The following MAST3 variants were observed in gnomAD, a reference collection of about 807,000 sequenced individuals.
The protein encoded by MAST3 is microtubule associated serine/threonine kinase 3.
A neutral mutation model predicts 127.0 loss-of-function variants in MAST3; 43 were observed. The observed-to-expected ratio is 0.34, with a 90% confidence interval of 0.27 to 0.44. MAST3 has a LOEUF of 0.44. Among genes scored for constraint, MAST3 ranks in the 20% least tolerant of loss-of-function variants. The pLI is 1.00. For missense variants in MAST3, 1,390 were observed against 1,919.1 expected, an observed-to-expected ratio of 0.72 and a Z score of 5.15; for synonymous variants, 785 against 809.2, an observed-to-expected ratio of 0.97 and a Z score of 0.51.
chr19:18,138,882 C>G, intron 19 of MAST3, 133 bp from the exon 20 acceptor site: 4 of 653,232 alleles, frequency 6.1e-6, no homozygotes, highest in African/African-American at 3.5e-5. Context: ...TTAAACACAC[C>G]AGGCACTGTC....
In MAST3 at chr19:18,124,730, A is replaced by G. The variant is rs747880607; in HGVS notation, c.1034A>G (p.Gln345Arg). ...CAAGGCATTAAGACTGACCTTCCAC[A>G]GTACATCATTGGGCAGCTGGGCCTG... ...EGQGIKTDLP[Q>R]YIIGQLGLAK... Residue 345 changes from glutamine to arginine, a missense_variant, in exon 11 of 28, where the codon CAG becomes CGG. Gln to Arg is a conservative substitution (Grantham distance 43). This residue lies in a region of MAST3 where 277 missense variants were observed against 384.8 expected (regional missense o/e 0.72). Transcript: ENST00000687212. The G allele has an allele frequency of 6.8e-6, 11 of 1,609,586 alleles. No homozygotes were observed. In the African/African-American group the frequency reaches 1.3e-4, roughly 20 times the overall value.
At chr19:18,126,090 T>C (rs985026477) in intron 11 of MAST3, among the ~76,000 whole-genome samples, 2 of 151,342 alleles carry the variant, frequency 1.3e-5, no homozygotes, top group African/African-American at 2.4e-5. Context: ...GGTGTAGTAG[T>C]GCGCGCCTGT....
In MAST3 at chr19:18,134,717, C is replaced by T. The variant is rs55792013; in HGVS notation, c.1704+6C>T. 23,326 of 1,612,210 alleles carry T rather than the reference C, an allele frequency of 0.014. 227 individuals are homozygous for T. Among genetic ancestry groups the T allele is most frequent in the African/African-American group, 0.039 (2,916 of 74,992 alleles). ...GAGAGTTCATCGACAAGCAGGTGGG[C>T]GGGCAGGTGGGTGGGCAGCCCCGGG... On this transcript the variant is annotated splice_donor_region_variant and intron_variant, in intron 16 of 27. Coordinates refer to ENST00000687212, the MANE Select transcript of MAST3 (RefSeq NM_001393504.1).
chr19:18,104,665 G>C (rs1481444465), intron 1 of MAST3, among the ~76,000 whole-genome samples: 1 of 152,034 alleles, frequency 6.6e-6, no homozygotes, highest in African/African-American at 2.4e-5. Flanking sequence ...TGTGTGGAGG[G>C]AGGGTGTCCT....
At chr19:18,104,682 C>G (rs2037929139) in intron 1 of MAST3, among the ~76,000 whole-genome samples, 1 of 151,984 alleles carries the variant, frequency 6.6e-6, no homozygotes, top group Non-Finnish European at 1.5e-5. Flanking sequence ...TCCTGAGACC[C>G]AGTTTCCTGC....
chr19:18,122,715 C>T lies in MAST3; in HGVS notation c.363C>T (p.Ser121=), dbSNP rs540307927. 1.0e-4 allele frequency: 162 copies of T among 1,613,480 alleles called. 1 individual carries two copies. In the Admixed American group the frequency reaches 2.3e-3, roughly 23 times the overall value. Residue 121 remains serine, a synonymous_variant, in exon 6 of 28, where the codon TCC becomes TCT. Transcript: ENST00000687212. ...RRWSLASLPS[S]GYGTNTPSST... ...GGTCCCTCGCGTCTCTCCCATCTTCCGGCTATGGAACCAACACACCCAGCT... is the reference window on the plus strand; with the variant it reads ...GGTCCCTCGCGTCTCTCCCATCTTCTGGCTATGGAACCAACACACCCAGCT...
At chr19:18,126,507 C>T (rs372372370) in intron 11 of MAST3, among the ~76,000 whole-genome samples, 2 of 152,164 alleles carry the variant, frequency 1.3e-5, no homozygotes, top group Non-Finnish European at 2.9e-5. Context: ...CATGGTAGCT[C>T]ACACTTGTAA....
chr19:18,148,638 C>G (rs1455732583), intron 27 of MAST3, among the ~76,000 whole-genome samples: 1 of 151,654 alleles, frequency 6.6e-6, no homozygotes, highest in African/African-American at 2.4e-5. Flanking sequence ...CATGATGGCT[C>G]ATGCCTGTAA....
At chr19:18,104,114 A>C (rs2051005031) in intron 1 of MAST3, among the ~76,000 whole-genome samples, 1 of 130,354 alleles carries the variant, frequency 7.7e-6, no homozygotes, top group Non-Finnish European at 1.6e-5. Context: ...CTGGAGGCGG[A>C]GGTTGCAGTG....
At position 18,149,281 on chromosome 19, in the gene MAST3, A is replaced by C; in HGVS notation, c.3599A>C (p.His1200Pro). 1 of 1,538,164 alleles carries C rather than the reference A, an allele frequency of 6.5e-7. No individual in the cohort carries two copies. The highest frequency in any genetic ancestry group is 8.7e-7 in the Non-Finnish European group (1 of 1,146,138). Residue 1200 changes from histidine (H) to proline (P), a missense_variant, in exon 28 of 28, where the codon CAC (histidine) becomes CCC (proline). Physicochemically the swap from His to Pro is moderately conservative, Grantham distance 77. Transcript: ENST00000687212. The surrounding 1 kb of genome is among the most constrained non-coding windows in gnomAD (Gnocchi z 5.9). ...GGCCACACCCGCCCCAGCTCCCTGCACGGCCTGGCTGCCAAGCTTGGGCCA... is the reference window on the plus strand; with the variant it reads ...GGCCACACCCGCCCCAGCTCCCTGCCCGGCCTGGCTGCCAAGCTTGGGCCA... ...AAGHTRPSSL[H>P]GLAAKLGPPR...
intron 20 of MAST3, among the ~76,000 whole-genome samples, 160 bp from the exon 21 acceptor site, chr19:18,141,722 C>CT (rs902339562): frequency 2.0e-5 from 3 of 150,802 alleles, no homozygotes; most frequent in Admixed American, 6.6e-5. Context: ...GTTTGGGTTT[C>CT]TTTTTTTTTC....
intron 3 of MAST3, among the ~76,000 whole-genome samples, chr19:18,119,343 C>T (rs1192885541): frequency 6.6e-6 from 1 of 152,072 alleles, no homozygotes; most frequent in Non-Finnish European, 1.5e-5. Context: ...GGGCGAGGAA[C>T]CAGGTGAGGG....
At chr19:18,132,649 C>A (rs1267351976) in intron 15 of MAST3, among the ~76,000 whole-genome samples, 1 of 152,168 alleles carries the variant, frequency 6.6e-6, no homozygotes, top group Non-Finnish European at 1.5e-5. Flanking sequence ...ACAGGGCCAC[C>A]TGCTTTGAAA....
rs375984327 is a variant in MAST3 at position 18,121,947 on chromosome 19, A to G, written c.320+25A>G. The G allele has an allele frequency of 7.8e-5, 126 of 1,613,500 alleles. No homozygotes were observed. The Middle Eastern group carries it at 2.5e-3, about 32-fold the overall frequency. ...GGTGAGTGATTGCCGGCTTTGGGAG[A>G]CAGTGCGGGCACCACGGGCAAGGGT... is the stretch of plus-strand genomic sequence containing the variant. On this transcript the variant is annotated intron_variant, in intron 5 of 27. Transcript: ENST00000687212.
At chr19:18,111,594 G>T (rs1013708259) in intron 3 of MAST3, among the ~76,000 whole-genome samples, 1 of 143,410 alleles carries the variant, frequency 7.0e-6, no homozygotes. Context: ...GAGTGCAGTG[G>T]TGCAATCTCA....
At chr19:18,103,966 C>T (rs1026408005) in intron 1 of MAST3, among the ~76,000 whole-genome samples, 8 of 151,840 alleles carry the variant, frequency 5.3e-5, no homozygotes, top group African/African-American at 1.7e-4. Context: ...AATCCCAGCA[C>T]TTTGGGAGGC....
At chr19:18,124,516 A>C in intron 10 of MAST3, 126 bp from the exon 11 acceptor site, 1 of 1,382,586 alleles carries the variant, frequency 7.2e-7, no homozygotes. Flanking sequence ...GGCTTCCCTA[A>C]GGAGGCAGCG....
chr19:18,144,990 T>G lies in MAST3; in HGVS notation c.2813-13T>G. 1.6e-6 allele frequency: 2 copies of G among 1,285,960 alleles called. No homozygotes were observed. Among genetic ancestry groups the G allele is most frequent in the Non-Finnish European group, 2.2e-6 (2 of 892,926 alleles). 79.7% of individuals were successfully genotyped at this position (1,285,960 alleles called of 1,614,324 possible). On this transcript the variant is annotated splice_polypyrimidine_tract_variant and intron_variant, in intron 23 of 27. Coordinates refer to ENST00000687212, the MANE Select transcript of MAST3 (RefSeq NM_001393504.1). This position sits in a 1 kb window ranked among gnomAD's most constrained non-coding sequence, Gnocchi z 4.0. ...GTGAGGGAGTGAGTGACCCCCTCCC[T>G]AACCCCCTGCAGATGATGGCAGCGG...
intron 1 of MAST3, among the ~76,000 whole-genome samples, chr19:18,106,540 CTTATTTATTTAT>C (rs143547108): frequency 0.013 from 1,774 of 136,092 alleles, 40 homozygotes; most frequent in African/African-American, 0.042. Context: ...CTTGGCCCTT[CTTATTTATTTAT>C]TTATTTATTT....
Sources: allele counts gnomAD v4.1 joint callset (sites outside exome capture counted in the v4.1 genomes callset), GRCh38; gene constraint gnomAD v4.1.1; regional missense constraint gnomAD v4.1.1; non-coding constraint Gnocchi (gnomAD v3.1); transcripts MANE v1.5; gene names NCBI Gene and HGNC (gene_info 2026-07-23, HGNC 2026-07-21).